The following PLCL1 variants were observed in gnomAD, a reference collection of about 807,000 sequenced individuals.
The protein encoded by PLCL1 is inactive phospholipase C-like protein 1.
PLCL1 carries 41 observed loss-of-function variants against 84.4 expected under a neutral mutation model. The ratio of observed to expected loss-of-function variants is 0.49; its 90% CI spans 0.38 to 0.63. PLCL1 has a LOEUF of 0.63. PLCL1 is among the 30% of genes least tolerant of loss of function. The pLI is 0.00. For synonymous variants in PLCL1, 490 were observed against 488.3 expected, an observed-to-expected ratio of 1.00 and a Z score of -0.05; for missense variants, 1,206 against 1,367.8, an observed-to-expected ratio of 0.88 and a Z score of 1.87.
chr2:197,977,195 A>G (rs373297766), intron 1 of PLCL1, among the ~76,000 whole-genome samples: 1 of 152,226 alleles, frequency 6.6e-6, no homozygotes, highest in African/African-American at 2.4e-5. Flanking sequence ...ACGTTTTAGC[A>G]TGTAACTCAC....
Position 198,085,641 on chromosome 2 carries a change from C to T in PLCL1, c.2124C>T (p.Ser708=), listed in dbSNP as rs754399611. The T allele has an allele frequency of 4.3e-6, 7 of 1,613,946 alleles. No homozygotes were observed. The highest frequency in any genetic ancestry group is 1.6e-4 in the Middle Eastern group (1 of 6,062). ...TGCGAGATGAAGTTTCTTACTTCAG[C>T]GCAAATACAAAGGGCATTCTACCTG... ...SIMRDEVSYF[S]ANTKGILPGV... The change falls in exon 2 of 6, where the codon AGC becomes AGT. Residue 708 remains serine, a synonymous_variant. Transcript: ENST00000428675. The surrounding 1 kb of genome is among the most constrained non-coding windows in gnomAD (Gnocchi z 5.3).
rs45628532 is a variant in PLCL1, at chr2:198,086,038, C to T, written c.2521C>T (p.Leu841Phe). The T allele has an allele frequency of 6.2e-7, 1 of 1,614,014 alleles. No individual in the cohort carries two copies. The highest frequency in any genetic ancestry group is 8.5e-7 in the Non-Finnish European group (1 of 1,179,986). The stretch of plus-strand genomic sequence containing the variant: ...GGGTGACATCATGGAGCACGTAACC[C>T]TTTTTGTCCACATAGCAATAACTAA... ...FVGDIMEHVT[L>F]FVHIAITNRS... Residue 841 changes from leucine (L) to phenylalanine (F), a missense_variant, in exon 2 of 6, where the codon CTT (leucine) becomes TTT (phenylalanine). By Grantham distance (22) the Leu-to-Phe change is conservative. Transcript: ENST00000428675.
At chr2:197,945,001 G>GA (rs1689243115) in intron 1 of PLCL1, among the ~76,000 whole-genome samples, 1 of 152,168 alleles carries the variant, frequency 6.6e-6, no homozygotes, top group Non-Finnish European at 1.5e-5. Context: ...TCATGAAACT[G>GA]AAAGTTTTAC....
rs1694594392 is a variant in PLCL1 at position 198,149,465 on chromosome 2, T to C, written c.*2503T>C. 6.6e-6 allele frequency: 1 copy of C among 152,154 alleles called. No individual in the cohort carries two copies. Among genetic ancestry groups the C allele is most frequent in the Admixed American group, 6.6e-5 (1 of 15,266 alleles). 9.4% of individuals were successfully genotyped at this position (152,154 alleles called of 1,614,324 possible). ...GAGGTAATTAATGGAATAATTGATT[T>C]TGAACTTGGGTCTGTCTGATTTCAT... On this transcript the variant is annotated 3_prime_UTR_variant, in exon 6 of 6. Coordinates refer to ENST00000428675, the MANE Select transcript of PLCL1 (RefSeq NM_006226.4).
At chr2:197,939,537 C>T (rs1342360720) in intron 1 of PLCL1, among the ~76,000 whole-genome samples, 1 of 152,060 alleles carries the variant, frequency 6.6e-6, no homozygotes, top group Non-Finnish European at 1.5e-5. Context: ...CCATCTTCTC[C>T]TCCTGGTTTC....
intron 2 of PLCL1, 28 bp downstream of exon 2, chr2:198,086,260 C>T (rs1301789528): frequency 7.1e-7 from 1 of 1,411,046 alleles, no homozygotes; most frequent in Admixed American, 1.8e-5. Flanking sequence ...ACTCTCCTTC[C>T]CTATCCCTGC....
At chr2:198,028,935 C>G (rs1012254696) in intron 1 of PLCL1, among the ~76,000 whole-genome samples, 16 of 152,110 alleles carry the variant, frequency 1.1e-4, no homozygotes, top group Middle Eastern at 3.4e-3. Flanking sequence ...AACAAATATA[C>G]AGTACTATTC....
intron 1 of PLCL1, among the ~76,000 whole-genome samples, chr2:197,968,933 G>A (rs963600679): frequency 6.6e-6 from 1 of 152,182 alleles, no homozygotes; most frequent in African/African-American, 2.4e-5. Context: ...CCAACCCCCA[G>A]ACCACGGTCT....
At chr2:198,109,463 A>C (rs935506632) in intron 5 of PLCL1, among the ~76,000 whole-genome samples, 5 of 151,878 alleles carry the variant, frequency 3.3e-5, no homozygotes, top group South Asian at 4.1e-4. Flanking sequence ...ATAATATTAA[A>C]ATCTCAAAAT....
At chr2:197,993,405 A>C (rs1690384845) in intron 1 of PLCL1, among the ~76,000 whole-genome samples, 1 of 152,030 alleles carries the variant, frequency 6.6e-6, no homozygotes, top group Non-Finnish European at 1.5e-5. Flanking sequence ...ATTTCTGGTG[A>C]CCCTGTGCTG....
chr2:197,823,919 G>C (rs559270072), intron 1 of PLCL1, among the ~76,000 whole-genome samples: 1 of 152,226 alleles, frequency 6.6e-6, no homozygotes, highest in East Asian at 1.9e-4. Context: ...TTACGAAAGG[G>C]TCAAGTTTGT....
chr2:198,138,345 A>G (rs976353075), intron 5 of PLCL1, among the ~76,000 whole-genome samples: 1 of 152,014 alleles, frequency 6.6e-6, no homozygotes, highest in Non-Finnish European at 1.5e-5. Flanking sequence ...CTTTCAAACA[A>G]CCAGATCTCC....
chr2:198,102,722 A>G (rs1392731767), intron 4 of PLCL1, among the ~76,000 whole-genome samples: 1 of 152,114 alleles, frequency 6.6e-6, no homozygotes, highest in Non-Finnish European at 1.5e-5. Context: ...ATTTTACCCA[A>G]TATCTTTCTT....
intron 1 of PLCL1, among the ~76,000 whole-genome samples, chr2:197,937,340 C>T (rs1315389027): frequency 1.3e-5 from 2 of 152,152 alleles, no homozygotes; most frequent in Non-Finnish European, 2.9e-5. Context: ...GTGGGGATTG[C>T]ATTGAATCTG....
intron 1 of PLCL1, among the ~76,000 whole-genome samples, chr2:197,903,798 C>A (rs1416962808): frequency 8.1e-6 from 1 of 123,056 alleles, no homozygotes; most frequent in Non-Finnish European, 1.7e-5. Context: ...CCACAGTGCC[C>A]GGCCTTTTTT....
chr2:198,076,608 G>A (rs1391365203), intron 1 of PLCL1, among the ~76,000 whole-genome samples: 1 of 152,114 alleles, frequency 6.6e-6, no homozygotes, highest in East Asian at 1.9e-4. Flanking sequence ...TTATGCTTCA[G>A]CTACTTCTCA....
chr2:198,017,187 T>A (rs1441883393), intron 1 of PLCL1, among the ~76,000 whole-genome samples: 1 of 152,176 alleles, frequency 6.6e-6, no homozygotes. Flanking sequence ...TTTAACATGC[T>A]CCAAAAACAC....
At chr2:197,996,543 G>T (rs2105816920) in intron 1 of PLCL1, among the ~76,000 whole-genome samples, 1 of 152,150 alleles carries the variant, frequency 6.6e-6, no homozygotes, top group South Asian at 2.1e-4. Context: ...AGTGTGGGGA[G>T]AGGTGAATAT....
At chr2:197,897,598 G>T (rs1464232994) in intron 1 of PLCL1, among the ~76,000 whole-genome samples, 1 of 151,744 alleles carries the variant, frequency 6.6e-6, no homozygotes, top group Non-Finnish European at 1.5e-5. Context: ...ATTATTGTTT[G>T]CTTTAATTAA....
Sources: allele counts gnomAD v4.1 joint callset (sites outside exome capture counted in the v4.1 genomes callset), GRCh38; gene constraint gnomAD v4.1.1; non-coding constraint Gnocchi (gnomAD v3.1); transcripts MANE v1.5; gene names NCBI Gene and HGNC (gene_info 2026-07-23, HGNC 2026-07-21).